The following SYT9 variants were observed in gnomAD, a reference collection of about 807,000 sequenced individuals.
The protein encoded by SYT9 is synaptotagmin-9.
In SYT9, 22 loss-of-function variants were observed where a neutral mutation model predicts 48.4. The observed-to-expected ratio is 0.45, with a 90% confidence interval of 0.32 to 0.65. SYT9 has a LOEUF of 0.65. Among genes scored for constraint, SYT9 ranks in the 30% least tolerant of loss-of-function variants. The pLI is 0.03. For synonymous variants in SYT9, 265 were observed against 245.0 expected, an observed-to-expected ratio of 1.08 and a Z score of -0.76; for missense variants, 577 against 622.0, an observed-to-expected ratio of 0.93 and a Z score of 0.77.
At chr11:7,403,328 G>C (rs984248197) in intron 3 of SYT9, among the ~76,000 whole-genome samples, 2 of 152,136 alleles carry the variant, frequency 1.3e-5, no homozygotes, top group African/African-American at 4.8e-5. Flanking sequence ...GGGAGGCTGA[G>C]GTATTGAGCT....
intron 1 of SYT9, among the ~76,000 whole-genome samples, chr11:7,261,650 T>C (rs891489495): frequency 6.6e-6 from 1 of 150,952 alleles, no homozygotes; most frequent in Non-Finnish European, 1.5e-5. Context: ...ACTGAGAAGT[T>C]GACAAATGAG....
At chr11:7,463,680 T>G (rs1848274150) in intron 6 of SYT9, among the ~76,000 whole-genome samples, 1 of 152,156 alleles carries the variant, frequency 6.6e-6, no homozygotes, top group Non-Finnish European at 1.5e-5. Context: ...TGTCATCTTG[T>G]GGGCTTGGTC....
intron 3 of SYT9, among the ~76,000 whole-genome samples, chr11:7,315,683 A>G (rs1041054184): frequency 1.3e-5 from 2 of 152,186 alleles, no homozygotes; most frequent in African/African-American, 4.8e-5. Flanking sequence ...AAGGCTGATG[A>G]TCCCTGGTGG....
intron 1 of SYT9, among the ~76,000 whole-genome samples, chr11:7,255,355 G>A (rs897015184): frequency 1.5e-4 from 22 of 148,578 alleles, no homozygotes; most frequent in Non-Finnish European, 2.8e-4. Flanking sequence ...GTTAGAGAGG[G>A]TGGATCATGC....
At chr11:7,370,346 A>G (rs1317792272) in intron 3 of SYT9, among the ~76,000 whole-genome samples, 1 of 152,164 alleles carries the variant, frequency 6.6e-6, no homozygotes, top group African/African-American at 2.4e-5. Flanking sequence ...TTTTTTAAAG[A>G]CTGTTTCCTT....
chr11:7,399,965 A>G (rs556608163), intron 3 of SYT9, among the ~76,000 whole-genome samples: 1 of 150,982 alleles, frequency 6.6e-6, no homozygotes, highest in African/African-American at 2.4e-5. Flanking sequence ...TGACTGCAAG[A>G]TTTTGTTATT....
At chr11:7,306,128 C>T (rs1849026158) in intron 2 of SYT9, among the ~76,000 whole-genome samples, 1 of 152,260 alleles carries the variant, frequency 6.6e-6, no homozygotes, top group East Asian at 1.9e-4. Flanking sequence ...CCCTTTTGTA[C>T]AGTGACTCAA....
At chr11:7,465,287 G>A (rs1443932186) in intron 6 of SYT9, among the ~76,000 whole-genome samples, 1 of 152,156 alleles carries the variant, frequency 6.6e-6, no homozygotes, top group Non-Finnish European at 1.5e-5. Flanking sequence ...ACAATCAAAC[G>A]TGGTTTCCCT....
At chr11:7,331,774 T>C (rs1486984992) in intron 3 of SYT9, among the ~76,000 whole-genome samples, 1 of 152,088 alleles carries the variant, frequency 6.6e-6, no homozygotes, top group Non-Finnish European at 1.5e-5. Context: ...CCCCTCTATA[T>C]ATGCACCCGG....
At chr11:7,349,194 T>TG (rs1185730774) in intron 3 of SYT9, among the ~76,000 whole-genome samples, 5 of 151,764 alleles carry the variant, frequency 3.3e-5, no homozygotes, top group Non-Finnish European at 5.9e-5. Flanking sequence ...TGCCGGGGAC[T>TG]GGGGGGAGGG....
rs149856357 is a variant in SYT9, at chr11:7,416,158, A to G, written c.1161A>G (p.Ala387=). The change falls in exon 4 of 7, where the codon GCA becomes GCG. Residue 387 remains alanine (A), a synonymous_variant. Coordinates refer to ENST00000318881, the MANE Select transcript of SYT9 (RefSeq NM_175733.4). ...RNLKAMDITG[A]SDPYVKVSLM... Reference sequence around the variant, plus strand: ...TAAAGGCAATGGACATAACAGGAGCATCAGGTGGGGCATTTTCAAATTCAG... The same window carrying G: ...TAAAGGCAATGGACATAACAGGAGCGTCAGGTGGGGCATTTTCAAATTCAG... 62 of 1,614,174 alleles carry G rather than the reference A, an allele frequency of 3.8e-5. 1 individual carries two copies. In the African/African-American group the frequency reaches 6.4e-4, roughly 17 times the overall value.
intron 3 of SYT9, among the ~76,000 whole-genome samples, chr11:7,382,130 T>C (rs1455872241): frequency 6.6e-6 from 1 of 152,212 alleles, no homozygotes; most frequent in Non-Finnish European, 1.5e-5. Context: ...GGCTCCCTTC[T>C]ATGCTGTGCA....
chr11:7,324,993 T>C (rs1375128428), intron 3 of SYT9, among the ~76,000 whole-genome samples: 2 of 152,326 alleles, frequency 1.3e-5, no homozygotes, highest in Non-Finnish European at 1.5e-5. Flanking sequence ...TTAATGTATA[T>C]ATGTAAAAAT....
rs1849189767 is a variant in SYT9, at chr11:7,313,822, G to C, written c.925G>C (p.Asp309His). 6.2e-7 allele frequency: 1 copy of C among 1,614,150 alleles called. No homozygotes were observed. The highest frequency in any genetic ancestry group is 1.1e-5 in the South Asian group (1 of 91,076). Residue 309 changes from aspartate (D) to histidine (H), a missense_variant, in exon 3 of 7, where the codon GAC (aspartate) becomes CAC (histidine). Coordinates refer to ENST00000318881, the MANE Select transcript of SYT9 (RefSeq NM_175733.4). ...ACGGAAGCTTCACTTCTCTGTGTACGACTTTGACAGGTTCTCTCGTCATGA... is the reference window on the plus strand; with the variant it reads ...ACGGAAGCTTCACTTCTCTGTGTACCACTTTGACAGGTTCTCTCGTCATGA... ...EARKLHFSVY[D>H]FDRFSRHDLI...
chr11:7,245,108 A>G (rs1847777608), intron 1 of SYT9, among the ~76,000 whole-genome samples: 1 of 152,236 alleles, frequency 6.6e-6, no homozygotes, highest in African/African-American at 2.4e-5. Flanking sequence ...GCAGTGTGGC[A>G]TGGAAAACAC....
At chr11:7,453,987 C>T in intron 6 of SYT9, 1 of 985,406 alleles carries the variant, frequency 1.0e-6, no homozygotes, top group Non-Finnish European at 1.2e-6. Context: ...CTGTGGTCTC[C>T]TCTTGTTTGA....
At chr11:7,300,820 G>A (rs1848906062) in intron 1 of SYT9, among the ~76,000 whole-genome samples, 1 of 152,090 alleles carries the variant, frequency 6.6e-6, no homozygotes, top group African/African-American at 2.4e-5. Flanking sequence ...CCAGCATATT[G>A]TCTACTCTCC....
intron 3 of SYT9, among the ~76,000 whole-genome samples, chr11:7,349,546 C>T (rs923759483): frequency 2.0e-5 from 3 of 152,080 alleles, no homozygotes; most frequent in African/African-American, 7.2e-5. Flanking sequence ...ACAGGGGCCA[C>T]CTACTCATCT....
intron 1 of SYT9, among the ~76,000 whole-genome samples, chr11:7,296,685 T>C (rs1469522829): frequency 1.3e-5 from 2 of 152,216 alleles, no homozygotes; most frequent in Admixed American, 6.5e-5. Context: ...CACATTCATT[T>C]TATAAAGTTT....
Sources: allele counts gnomAD v4.1 joint callset (sites outside exome capture counted in the v4.1 genomes callset), GRCh38; gene constraint gnomAD v4.1.1; transcripts MANE v1.5; gene names NCBI Gene and HGNC (gene_info 2026-07-23, HGNC 2026-07-21).